Variants in NCOA2 observed in about 807,000 individuals in gnomAD.
NCOA2 encodes the protein nuclear receptor coactivator 2, also known as class E basic helix-loop-helix protein 75.
NCOA2 carries 21 observed loss-of-function variants against 145.1 expected under a neutral mutation model. The ratio of observed to expected loss-of-function variants is 0.14; its 90% CI spans 0.10 to 0.21. The LOEUF is 0.21. Ranked by LOEUF, NCOA2 falls within the 10% of genes least tolerant of loss-of-function variation. NCOA2 has a pLI of 1.00. For missense variants in NCOA2, 1,472 were observed against 1,837.6 expected, an observed-to-expected ratio of 0.80 and a Z score of 3.64; for synonymous variants, 619 against 637.5, an observed-to-expected ratio of 0.97 and a Z score of 0.44.
chr8:70,171,485 G>A (rs1814250393), intron 5 of NCOA2, among the ~76,000 whole-genome samples: 1 of 152,132 alleles, frequency 6.6e-6, no homozygotes, highest in South Asian at 2.1e-4. Flanking sequence ...TGATGGAAAT[G>A]TTGGGGGTTT....
At chr8:70,183,108 T>C (rs764514284) in intron 4 of NCOA2, among the ~76,000 whole-genome samples, 18 of 152,190 alleles carry the variant, frequency 1.2e-4, no homozygotes, top group Non-Finnish European at 8.8e-5. Flanking sequence ...TTCTAATTTA[T>C]TGGGCTCCAC....
chr8:70,405,584 C>T (rs1029128827), upstream of NCOA2, among the ~76,000 whole-genome samples: 1 of 150,564 alleles, frequency 6.6e-6, no homozygotes, highest in African/African-American at 2.4e-5. Context: ...GGGTAGTAGT[C>T]ACCTGAGGTT....
chr8:70,332,288 G>A (rs1397785579), intron 1 of NCOA2, among the ~76,000 whole-genome samples: 3 of 152,150 alleles, frequency 2.0e-5, no homozygotes, highest in African/African-American at 7.2e-5. Flanking sequence ...TCTGTGCCAA[G>A]TTTAGCCCAC....
chr8:70,118,824 G>A (rs1249053349), intron 22 of NCOA2, among the ~76,000 whole-genome samples: 1 of 151,674 alleles, frequency 6.6e-6, no homozygotes, highest in East Asian at 1.9e-4. Context: ...GAGTAGCTGG[G>A]ACTACAGGCG....
chr8:70,211,404 A>G (rs1819003071), intron 4 of NCOA2, among the ~76,000 whole-genome samples: 1 of 151,936 alleles, frequency 6.6e-6, no homozygotes, highest in African/African-American at 2.4e-5. Context: ...GGTTGCAGTG[A>G]GCTGAGATCG....
At chr8:70,335,262 A>G (rs1051288415) in intron 1 of NCOA2, among the ~76,000 whole-genome samples, 1 of 151,148 alleles carries the variant, frequency 6.6e-6, no homozygotes, top group Non-Finnish European at 1.5e-5. Flanking sequence ...CCCTTTCTTC[A>G]ACTTCCACAA....
At chr8:70,256,051 C>T (rs1823609562) in intron 2 of NCOA2, among the ~76,000 whole-genome samples, 1 of 152,168 alleles carries the variant, frequency 6.6e-6, no homozygotes, top group Non-Finnish European at 1.5e-5. Flanking sequence ...ATACAGAAAC[C>T]TTTTACCCTT....
At chr8:70,413,150 C>T in the NCOA2 span, among the ~76,000 whole-genome samples, 1,164 of 151,692 alleles carry the variant, frequency 7.7e-3, 11 homozygotes, top group African/African-American at 0.026. Context: ...GGTTCTAAAC[C>T]GGTATCTGAA....
At chr8:70,172,477 G>A (rs1053654569) in intron 5 of NCOA2, among the ~76,000 whole-genome samples, 1 of 152,090 alleles carries the variant, frequency 6.6e-6, no homozygotes, top group Non-Finnish European at 1.5e-5. Context: ...CTGACCATAA[G>A]GCACCAGAGA....
chr8:70,129,501 A>T (rs1168575950), intron 16 of NCOA2, among the ~76,000 whole-genome samples: 1 of 152,212 alleles, frequency 6.6e-6, no homozygotes, highest in Non-Finnish European at 1.5e-5. Flanking sequence ...CTATTCAGCT[A>T]GTACATGGTG....
At chr8:70,232,365 G>GGCCC (rs1342633841) in intron 2 of NCOA2, among the ~76,000 whole-genome samples, 1 of 152,166 alleles carries the variant, frequency 6.6e-6, no homozygotes, top group Non-Finnish European at 1.5e-5. Flanking sequence ...GGGGCAGAGG[G>GGCCC]GCCCCAAAGA....
the NCOA2 span, among the ~76,000 whole-genome samples, chr8:70,408,934 T>G: frequency 6.6e-6 from 1 of 151,966 alleles, no homozygotes; most frequent in Non-Finnish European, 1.5e-5. Context: ...ACCAAAACAT[T>G]AAATTTTTAA....
chr8:70,285,155 T>C (rs1826151296), intron 2 of NCOA2, among the ~76,000 whole-genome samples: 2 of 152,252 alleles, frequency 1.3e-5, no homozygotes, highest in Non-Finnish European at 1.5e-5. Flanking sequence ...CCATGTTTTA[T>C]ACTTCTTCAA....
intron 2 of NCOA2, among the ~76,000 whole-genome samples, chr8:70,267,434 C>T (rs1157717766): frequency 6.8e-5 from 9 of 133,032 alleles, no homozygotes; most frequent in African/African-American, 2.5e-4. Flanking sequence ...GGGCCTCGCT[C>T]TGTCACCCAG....
At chr8:70,295,965 G>A (rs1827057933) in intron 2 of NCOA2, among the ~76,000 whole-genome samples, 1 of 151,988 alleles carries the variant, frequency 6.6e-6, no homozygotes, top group African/African-American at 2.4e-5. Context: ...AATGAAATAA[G>A]CTTAATAAAC....
chr8:70,110,176 A>AAATG lies in NCOA2; in HGVS notation c.*3452_*3455dup, dbSNP rs1235833083. On this transcript the variant is annotated 3_prime_UTR_variant, in exon 23 of 23. Transcript: ENST00000452400. The stretch of plus-strand genomic sequence containing the variant: ...AAAACTCACAAATGACAAAGGAAAA[A>AAATG]AATGACAGTTAAATGTCTGAAGAAA... 1 of 201,986 alleles carries AAATG rather than the reference A, an allele frequency of 5.0e-6. No individual in the cohort carries two copies. The highest frequency in any genetic ancestry group is 2.3e-5 in the African/African-American group (1 of 43,626). 12.5% of individuals were successfully genotyped at this position (201,986 alleles called of 1,614,324 possible). A position where few individuals can be genotyped will look rare whatever the true frequency, so the allele number is the denominator to read the frequency against.
In NCOA2 at chr8:70,310,055, G is replaced by C. The variant is rs115506926; in HGVS notation, c.-76-13255C>G. ...TCAGATCAAATCAAAACACAGGCCA[G>C]GCGCAGTGGCTCATACCTGTAACCC... On this transcript the variant is annotated intron_variant, in intron 1 of 22. Transcript: ENST00000452400. Among the ~76,000 whole-genome samples, 565 of 152,106 alleles carry C rather than the reference G, an allele frequency of 3.7e-3. 5 individuals carry two copies. Among genetic ancestry groups the C allele is most frequent in the African/African-American group, 0.012 (505 of 41,492 alleles).
intron 2 of NCOA2, among the ~76,000 whole-genome samples, chr8:70,262,666 A>C (rs79395888): frequency 0.035 from 5,258 of 152,288 alleles, 304 homozygotes; most frequent in African/African-American, 0.12. Flanking sequence ...AGTGGACACA[A>C]ATGCTAAAAA....
intron 1 of NCOA2, among the ~76,000 whole-genome samples, chr8:70,363,762 A>C (rs574375722): frequency 3.9e-5 from 6 of 152,188 alleles, no homozygotes; most frequent in Non-Finnish European, 8.8e-5. Context: ...GACCAAAAAG[A>C]AGCAGAGTAA....
Sources: gnomAD v4.1 joint callset for allele counts (sites outside exome capture counted in the v4.1 genomes callset) on GRCh38, gnomAD v4.1.1 for gene constraint, MANE v1.5 for transcripts, NCBI Gene and HGNC (gene_info 2026-07-23, HGNC 2026-07-21) for gene names.